The following CCDC15 variants were observed in gnomAD, a reference collection of about 807,000 sequenced individuals.
CCDC15 encodes coiled-coil domain containing 15, also known as coiled-coil domain-containing protein 15.
In CCDC15, 105 loss-of-function variants were observed where a neutral mutation model predicts 114.5. The observed-to-expected ratio is 0.92, with a 90% confidence interval of 0.78 to 1.08. The LOEUF (loss-of-function observed/expected upper bound fraction) is 1.08. Among genes scored for constraint, CCDC15 ranks in the 50% least tolerant of loss-of-function variants. The probability of loss-of-function intolerance (pLI) is 0.00; values close to 1 mark genes in which losing one functional copy is unlikely to be tolerated. For synonymous variants in CCDC15, 334 were observed against 377.8 expected (o/e 0.88, Z 1.34); for missense variants, 1,105 against 1,093.6 (o/e 1.01, Z -0.15).
chr11:124,996,966 G>C (rs1948382825), intron 11 of CCDC15, among the ~76,000 whole-genome samples: 1 of 152,174 alleles, frequency 6.6e-6, no homozygotes, highest in South Asian at 2.1e-4. Flanking sequence ...CTCTGTTGTA[G>C]ACCTTCCTGT....
Position 125,038,612 on chromosome 11 carries a change from GA to G in CCDC15, c.2585+12del. 5 of 1,543,906 alleles carry G rather than the reference GA, an allele frequency of 3.2e-6. No individual in the cohort carries two copies. Among genetic ancestry groups the G allele is most frequent in the Non-Finnish European group, 4.4e-6 (5 of 1,149,192 alleles). ...AGAAAAAGAATACCTGAGGTAATTT[GA>G]AAAGGTCTTCATGATATTTTGGCTC... On this transcript the variant is annotated intron_variant, in intron 14 of 15. Transcript: ENST00000344762.
rs1179644248 is a variant in CCDC15 at position 124,987,361 on chromosome 11, C to A, written c.1135C>A (p.Pro379Thr). Reference sequence around the variant, plus strand: ...TGAGCCAGAAGGCCAGGCCATTGAGCCAGAAGGCCAGCCTATTAAGACAGA... The same window carrying A: ...TGAGCCAGAAGGCCAGGCCATTGAGACAGAAGGCCAGCCTATTAAGACAGA... ...VTEPEGQAIEPEGQPIKTETQ... is the reference protein window; with the variant it reads ...VTEPEGQAIETEGQPIKTETQ... Residue 379 changes from proline (P) to threonine (T), a missense_variant, in exon 8 of 16, where the codon CCA becomes ACA. Coordinates refer to ENST00000344762, the MANE Select transcript of CCDC15 (RefSeq NM_025004.3). The A allele has an allele frequency of 6.2e-7, 1 of 1,613,822 alleles. No individual in the cohort carries two copies. Among genetic ancestry groups the A allele is most frequent in the Non-Finnish European group, 8.5e-7 (1 of 1,179,794 alleles).
intron 6 of CCDC15, among the ~76,000 whole-genome samples, chr11:124,984,792 G>A (rs767753046): frequency 3.3e-5 from 5 of 152,176 alleles, no homozygotes; most frequent in African/African-American, 1.2e-4. Context: ...CCTCTTCAAG[G>A]TTCCCACCTT....
intron 13 of CCDC15, among the ~76,000 whole-genome samples, chr11:125,020,746 A>C (rs1048740149): frequency 2.6e-5 from 4 of 152,010 alleles, no homozygotes; most frequent in African/African-American, 9.7e-5. Flanking sequence ...CAACTAAAAC[A>C]TGTATTTACA....
Position 125,003,963 on chromosome 11 carries a change from T to C in CCDC15, c.2307+4T>C. On this transcript the variant is annotated splice_donor_region_variant and intron_variant, in intron 12 of 15. Transcript: ENST00000344762. ...TAAAGAAGAAGATAAGAAAGAGGTATGTAATGATACTGCTTTTGGATCCCA... is the reference window on the plus strand; with the variant it reads ...TAAAGAAGAAGATAAGAAAGAGGTACGTAATGATACTGCTTTTGGATCCCA... The C allele has an allele frequency of 6.9e-7, 1 of 1,447,336 alleles. No individual in the cohort carries two copies. The highest frequency in any genetic ancestry group is 9.3e-7 in the Non-Finnish European group (1 of 1,081,030). The allele number at this position is 1,447,336 out of a possible 1,614,324, so 89.7% of individuals were successfully genotyped here.
chr11:125,010,468 T>C (rs536764352), intron 13 of CCDC15, among the ~76,000 whole-genome samples: 1 of 152,028 alleles, frequency 6.6e-6, no homozygotes, highest in Non-Finnish European at 1.5e-5. Context: ...ATTCAAGTGA[T>C]TCTCGTGCCT....
At chr11:124,999,090 C>G (rs1262504421) in intron 11 of CCDC15, among the ~76,000 whole-genome samples, 1 of 151,998 alleles carries the variant, frequency 6.6e-6, no homozygotes, top group African/African-American at 2.4e-5. Context: ...AAACATTTTT[C>G]CACTGTCTTC....
chr11:124,982,038 G>GT (rs1948081174), intron 6 of CCDC15, among the ~76,000 whole-genome samples: 2 of 152,146 alleles, frequency 1.3e-5, no homozygotes, highest in Admixed American at 6.5e-5. Flanking sequence ...TTACTATTAT[G>GT]TAATACCCTT....
At chr11:124,960,086 T>G in intron 4 of CCDC15, 83 bp downstream of exon 4, 1 of 1,112,572 alleles carries the variant, frequency 9.0e-7, no homozygotes, top group African/African-American at 1.6e-5. Flanking sequence ...GGGTATGAGG[T>G]AGGGATTAAG....
chr11:125,018,883 A>C (rs979750768), intron 13 of CCDC15, among the ~76,000 whole-genome samples: 2 of 151,870 alleles, frequency 1.3e-5, no homozygotes, highest in Non-Finnish European at 2.9e-5. Flanking sequence ...ATTTGTGGGG[A>C]TAGTATAAGA....
chr11:124,999,028 C>T (rs777291694), intron 11 of CCDC15, among the ~76,000 whole-genome samples: 4 of 151,920 alleles, frequency 2.6e-5, no homozygotes, highest in Non-Finnish European at 4.4e-5. Flanking sequence ...TGAACCACTG[C>T]GCCCGGCCGA....
chr11:125,027,092 A>G (rs1459075053), intron 13 of CCDC15, among the ~76,000 whole-genome samples: 2 of 152,210 alleles, frequency 1.3e-5, no homozygotes, highest in Non-Finnish European at 2.9e-5. Flanking sequence ...GCTGAGTAGT[A>G]TTCCATGGTG....
chr11:125,021,688 G>A (rs1948661380), intron 13 of CCDC15, among the ~76,000 whole-genome samples: 1 of 151,824 alleles, frequency 6.6e-6, no homozygotes, highest in African/African-American at 2.4e-5. Context: ...GAGTATCTGT[G>A]AGGAGAGGAA....
intron 4 of CCDC15, among the ~76,000 whole-genome samples, chr11:124,969,812 A>C (rs1038564756): frequency 2.6e-5 from 4 of 152,170 alleles, no homozygotes; most frequent in Non-Finnish European, 5.9e-5. Flanking sequence ...TCAGAATCTC[A>C]CACAAATCCA....
intron 4 of CCDC15, among the ~76,000 whole-genome samples, chr11:124,967,162 C>A (rs1565356358): frequency 6.6e-6 from 1 of 152,066 alleles, no homozygotes; most frequent in Admixed American, 6.6e-5. Flanking sequence ...TTCTGTATTT[C>A]CTGAATTTAA....
At chr11:124,994,584 A>G (rs1349567705) in intron 11 of CCDC15, among the ~76,000 whole-genome samples, 1 of 152,156 alleles carries the variant, frequency 6.6e-6, no homozygotes, top group Non-Finnish European at 1.5e-5. Context: ...TTCTGAGGGC[A>G]GGGGTTATGA....
chr11:125,028,618 G>A (rs1948720041), intron 13 of CCDC15, among the ~76,000 whole-genome samples: 1 of 152,086 alleles, frequency 6.6e-6, no homozygotes, highest in Admixed American at 6.6e-5. Context: ...GTGTATAGCA[G>A]TACTCTTCAT....
intron 4 of CCDC15, among the ~76,000 whole-genome samples, chr11:124,970,579 G>A (rs1003586058): frequency 6.6e-6 from 1 of 152,138 alleles, no homozygotes; most frequent in Admixed American, 6.5e-5. Flanking sequence ...ATTGGTATTA[G>A]TCCTCCATGA....
At chr11:124,961,464 G>A (rs1399412094) in intron 4 of CCDC15, among the ~76,000 whole-genome samples, 28 of 152,188 alleles carry the variant, frequency 1.8e-4, no homozygotes, top group Non-Finnish European at 1.2e-4. Context: ...AACAGTAGGG[G>A]AAGAATTCAT....
Sources: gnomAD v4.1 joint callset for allele counts (sites outside exome capture counted in the v4.1 genomes callset) on GRCh38, gnomAD v4.1.1 for gene constraint, MANE v1.5 for transcripts, NCBI Gene and HGNC (gene_info 2026-07-23, HGNC 2026-07-21) for gene names.